SETBP1: variants seen among roughly 807,000 people sequenced by gnomAD.
SETBP1 encodes the protein SET binding protein 1, also known as SET-binding protein.
A neutral mutation model predicts 101.0 loss-of-function variants in SETBP1; 9 were observed. The observed-to-expected ratio is 0.09, with a 90% CI of 0.05 to 0.16. SETBP1 has a LOEUF of 0.16. SETBP1 is among the 10% of genes least tolerant of loss of function. The probability of loss-of-function intolerance (pLI) is 1.00; values close to 1 mark genes in which losing one functional copy is unlikely to be tolerated. For missense variants in SETBP1, 1,858 were observed against 2,033.8 expected, an observed-to-expected ratio of 0.91 and a Z score of 1.66; for synonymous variants, 818 against 788.5, an observed-to-expected ratio of 1.04 and a Z score of -0.63.
chr18:44,793,937 A>G (rs756984748), intron 2 of SETBP1, among the ~76,000 whole-genome samples: 3 of 152,242 alleles, frequency 2.0e-5, no homozygotes, highest in Non-Finnish European at 4.4e-5. Context: ...CTTACAGTAC[A>G]GAATATGTTA....
intron 2 of SETBP1, among the ~76,000 whole-genome samples, chr18:44,843,844 C>G (rs1330808223): frequency 6.6e-6 from 1 of 152,184 alleles, no homozygotes; most frequent in Non-Finnish European, 1.5e-5. Context: ...TTTCTGTAAA[C>G]CCAGGACCAA....
chr18:44,980,518 T>A (rs2145232569), intron 4 of SETBP1, among the ~76,000 whole-genome samples: 1 of 152,220 alleles, frequency 6.6e-6, no homozygotes, highest in Admixed American at 6.5e-5. Context: ...TAGAAACTCA[T>A]TACTTTATAA....
chr18:44,947,929 C>T (rs1451323131), intron 3 of SETBP1, among the ~76,000 whole-genome samples: 2 of 152,194 alleles, frequency 1.3e-5, no homozygotes, highest in Non-Finnish European at 2.9e-5. Context: ...GACCTGTGAT[C>T]CTGTTAGTAA....
At chr18:45,002,248 G>A (rs995420467) in intron 4 of SETBP1, among the ~76,000 whole-genome samples, 1 of 151,550 alleles carries the variant, frequency 6.6e-6, no homozygotes, top group African/African-American at 2.4e-5. Context: ...TCTGAAAAGG[G>A]CAAAGAGTGG....
chr18:44,973,829 G>A (rs1382616902), intron 4 of SETBP1, among the ~76,000 whole-genome samples: 1 of 152,164 alleles, frequency 6.6e-6, no homozygotes, highest in Non-Finnish European at 1.5e-5. Context: ...GCCACACAGA[G>A]GAGTTGGTAC....
intron 2 of SETBP1, among the ~76,000 whole-genome samples, chr18:44,860,101 T>G (rs1018312643): frequency 1.6e-4 from 25 of 152,188 alleles, no homozygotes; most frequent in Non-Finnish European, 3.1e-4. Flanking sequence ...ATTAGAAAGC[T>G]TTGATACTCA....
chr18:44,918,199 C>T (rs1476283836), intron 3 of SETBP1, among the ~76,000 whole-genome samples: 3 of 152,188 alleles, frequency 2.0e-5, no homozygotes, highest in African/African-American at 7.2e-5. Flanking sequence ...CAGCCTGTTC[C>T]TCTGCATTAT....
At chr18:44,997,959 C>T (rs887953689) in intron 4 of SETBP1, among the ~76,000 whole-genome samples, 10 of 152,152 alleles carry the variant, frequency 6.6e-5, no homozygotes, top group Non-Finnish European at 1.2e-4. Flanking sequence ...TCAAATCCCA[C>T]GAAGCTCATT....
At chr18:44,693,277 T>A (rs1222065340) in intron 1 of SETBP1, among the ~76,000 whole-genome samples, 1 of 152,182 alleles carries the variant, frequency 6.6e-6, no homozygotes, top group East Asian at 1.9e-4. Context: ...TATCAGAAAC[T>A]GTGCCAAGCC....
chr18:44,956,259 C>T (rs113047104), intron 4 of SETBP1, among the ~76,000 whole-genome samples: 2,823 of 151,944 alleles, frequency 0.019, 39 homozygotes, highest in Non-Finnish European at 0.026. Context: ...GGCTGTGCCC[C>T]CAAAGCATGA....
chr18:44,695,718 GC>G (rs1406146111), intron 1 of SETBP1, among the ~76,000 whole-genome samples: 2 of 152,166 alleles, frequency 1.3e-5, no homozygotes, highest in African/African-American at 4.8e-5. Flanking sequence ...GGGATTGTTT[GC>G]CTTTAAGACC....
chr18:44,876,496 TG>T, intron 3 of SETBP1: 1 of 1,100,530 alleles, frequency 9.1e-7, no homozygotes, highest in Non-Finnish European at 1.4e-6. Flanking sequence ...TGAATTGGTC[TG>T]GGTGGGGTCT....
At chr18:44,875,019 G>A (rs1020375304) in intron 3 of SETBP1, among the ~76,000 whole-genome samples, 5 of 152,238 alleles carry the variant, frequency 3.3e-5, no homozygotes, top group African/African-American at 9.6e-5. Flanking sequence ...GTTTGCTACA[G>A]ATGGGTATTC....
intron 4 of SETBP1, among the ~76,000 whole-genome samples, chr18:45,016,972 C>G (rs748144344): frequency 4.0e-4 from 61 of 152,148 alleles, no homozygotes; most frequent in Admixed American, 3.9e-4. Flanking sequence ...ATTTTTCCCC[C>G]TCCATTGGAA....
intron 2 of SETBP1, 146 bp downstream of exon 2, chr18:44,701,978 G>T: frequency 1.1e-6 from 1 of 935,582 alleles, no homozygotes; most frequent in Non-Finnish European, 1.6e-6. Context: ...AGTTAAATCT[G>T]TGTGTAACTT....
At chr18:44,910,120 T>C (rs1442991442) in intron 3 of SETBP1, among the ~76,000 whole-genome samples, 2 of 152,206 alleles carry the variant, frequency 1.3e-5, no homozygotes, top group Non-Finnish European at 2.9e-5. Context: ...ACTGGCATCA[T>C]TGACAATGCC....
chr18:45,014,864 T>C (rs1302285629), intron 4 of SETBP1, among the ~76,000 whole-genome samples: 4 of 152,190 alleles, frequency 2.6e-5, no homozygotes, highest in Non-Finnish European at 4.4e-5. Context: ...AATTAAATAA[T>C]ACATGAAAAG....
At chr18:44,770,530 C>T (rs1235520210) in intron 2 of SETBP1, among the ~76,000 whole-genome samples, 3 of 152,162 alleles carry the variant, frequency 2.0e-5, no homozygotes, top group Admixed American at 2.0e-4. Context: ...GCAGTGGATT[C>T]GTGTTTTCAT....
In SETBP1 at chr18:44,950,545, T is replaced by C. The variant is rs1568234197; in HGVS notation, c.1205T>C (p.Ile402Thr). The C allele has an allele frequency of 6.2e-7, 1 of 1,614,024 alleles. No homozygotes were observed. The highest frequency in any genetic ancestry group is 2.2e-5 in the East Asian group (1 of 44,854). The change falls in exon 4 of 6, where the codon ATT (isoleucine) becomes ACT (threonine). Residue 402 changes from isoleucine (I) to threonine (T), a missense_variant. Ile to Thr is a moderately conservative substitution (Grantham distance 89). Transcript: ENST00000649279. ...GAAAATGACTCAAGTCATGTCCGGA[T>C]TACTATCCCCATCAAGGCACCCTCT... Reference protein sequence around the residue: ...NPENDSSHVRITIPIKAPSLD... With the variant: ...NPENDSSHVRTTIPIKAPSLD...
Sources: gnomAD v4.1 joint callset for allele counts (sites outside exome capture counted in the v4.1 genomes callset) on GRCh38, gnomAD v4.1.1 for gene constraint, MANE v1.5 for transcripts, NCBI Gene and HGNC (gene_info 2026-07-23, HGNC 2026-07-21) for gene names.